TBC1D22A: variants seen among roughly 807,000 people sequenced by gnomAD.
The protein encoded by TBC1D22A is putative GTPase activator.
TBC1D22A carries 38 observed loss-of-function variants against 60.2 expected under a neutral mutation model. That is an observed-to-expected ratio of 0.63 (90% CI 0.49 to 0.83). The LOEUF is 0.83. TBC1D22A is among the 40% of genes least tolerant of loss of function. The pLI is 0.00. For synonymous variants in TBC1D22A, 302 were observed against 281.7 expected (o/e 1.07, Z -0.72); for missense variants, 628 against 701.0 (o/e 0.90, Z 1.18).
intron 1 of TBC1D22A, among the ~76,000 whole-genome samples, chr22:46,791,446 C>T (rs183527956): frequency 3.9e-5 from 6 of 152,248 alleles, no homozygotes; most frequent in South Asian, 2.1e-4. Flanking sequence ...TCTTCACTCA[C>T]GCACGATGGC....
Position 47,105,133 on chromosome 22 carries a change from G to T in TBC1D22A, c.1330-6375G>T, listed in dbSNP as rs1424581997. ...TCTCTTTAAATATTTTACAGAGTTT[G>T]ATTCTTTTCGTCAATAATATCATAA... On this transcript the variant is annotated intron_variant, in intron 11 of 12. Transcript: ENST00000337137. Among the ~76,000 whole-genome samples, 4 of 151,616 alleles carry T rather than the reference G, an allele frequency of 2.6e-5. No individual in the cohort carries two copies. The South Asian group carries it at 8.4e-4, about 32-fold the overall frequency.
chr22:47,019,194 G>C (rs1257240675), intron 10 of TBC1D22A, among the ~76,000 whole-genome samples: 1 of 152,236 alleles, frequency 6.6e-6, no homozygotes, highest in African/African-American at 2.4e-5. Context: ...GCTGGGTGGA[G>C]CGGGCAGCAC....
chr22:46,891,028 T>G (rs57359361), intron 5 of TBC1D22A, among the ~76,000 whole-genome samples: 6,543 of 152,176 alleles, frequency 0.043, 438 homozygotes, highest in African/African-American at 0.15. Flanking sequence ...ACCGGGAGGC[T>G]GCGGACGCAA....
chr22:46,982,308 C>T (rs2074545105), intron 9 of TBC1D22A, among the ~76,000 whole-genome samples: 1 of 151,316 alleles, frequency 6.6e-6, no homozygotes, highest in Admixed American at 6.6e-5. Context: ...ACTGCAACCT[C>T]TGCCTCCCGG....
intron 11 of TBC1D22A, among the ~76,000 whole-genome samples, chr22:47,108,515 C>T: frequency 6.6e-6 from 1 of 152,132 alleles, no homozygotes; most frequent in Admixed American, 6.5e-5. Context: ...TATAGTGACA[C>T]AAGTAAGTCA....
chr22:47,109,850 T>C (rs569117986), intron 11 of TBC1D22A, among the ~76,000 whole-genome samples: 75 of 152,238 alleles, frequency 4.9e-4, no homozygotes, highest in African/African-American at 1.8e-3. Context: ...CTGCTCCGTC[T>C]TGGCCCAAGT....
intron 11 of TBC1D22A, among the ~76,000 whole-genome samples, chr22:47,107,445 C>T (rs1346016804): frequency 6.6e-6 from 1 of 152,134 alleles, no homozygotes; most frequent in Non-Finnish European, 1.5e-5. Context: ...CAACAACTAC[C>T]AACAAGCAGA....
Position 46,871,052 on chromosome 22 carries a change from C to T in TBC1D22A, c.638-7601C>T, listed in dbSNP as rs147608654. 6.3e-4 allele frequency among the ~76,000 whole-genome samples: 96 copies of T among 152,292 alleles called. 1 individual carries two copies. The highest frequency in any genetic ancestry group is 2.2e-3 in the African/African-American group (91 of 41,560). On this transcript the variant is annotated intron_variant, in intron 4 of 12. Transcript: ENST00000337137. Reference sequence around the variant, plus strand: ...AAATATATGTCATGCAAGCTCTAATCACAAGAAAACGAATTTGCTTATAGT... The same window carrying T: ...AAATATATGTCATGCAAGCTCTAATTACAAGAAAACGAATTTGCTTATAGT...
At chr22:47,168,921 C>G (rs2068316063) in intron 12 of TBC1D22A, among the ~76,000 whole-genome samples, 1 of 152,248 alleles carries the variant, frequency 6.6e-6, no homozygotes, top group Non-Finnish European at 1.5e-5. Flanking sequence ...GAAGCCTCAC[C>G]TGGTCTTCGG....
At chr22:47,050,924 G>A (rs952022667) in intron 11 of TBC1D22A, among the ~76,000 whole-genome samples, 8 of 152,142 alleles carry the variant, frequency 5.3e-5, no homozygotes, top group East Asian at 1.9e-4. Flanking sequence ...GAGGAGGGCG[G>A]CCACACCAAT....
At chr22:47,012,961 C>G (rs1417324688) in intron 10 of TBC1D22A, among the ~76,000 whole-genome samples, 1 of 152,216 alleles carries the variant, frequency 6.6e-6, no homozygotes, top group African/African-American at 2.4e-5. Flanking sequence ...CCCACCCAGT[C>G]TGTCGTATGG....
chr22:46,905,034 G>C (rs1234627963), intron 7 of TBC1D22A, among the ~76,000 whole-genome samples: 1 of 149,096 alleles, frequency 6.7e-6, no homozygotes, highest in African/African-American at 2.5e-5. Context: ...TCGGCCTCCC[G>C]AAGTGCTGGG....
At chr22:46,805,151 C>T (rs61245509) in intron 4 of TBC1D22A, among the ~76,000 whole-genome samples, 3,540 of 152,300 alleles carry the variant, frequency 0.023, 149 homozygotes, top group African/African-American at 0.081. Context: ...TGGGCCGTGG[C>T]TGGAGTCACT....
chr22:47,091,656 A>G (rs2064983147), intron 11 of TBC1D22A, among the ~76,000 whole-genome samples: 2 of 152,160 alleles, frequency 1.3e-5, no homozygotes, highest in African/African-American at 2.4e-5. Flanking sequence ...TGCACCTGGC[A>G]GGCTGCTTCA....
At chr22:47,160,736 C>G (rs76749824) in intron 12 of TBC1D22A, among the ~76,000 whole-genome samples, 1,542 of 152,320 alleles carry the variant, frequency 0.01, 20 homozygotes, top group African/African-American at 0.035. Context: ...ACACCTGACA[C>G]GACCAAGCCA....
At chr22:46,794,642 C>T (rs549400569) in intron 3 of TBC1D22A, among the ~76,000 whole-genome samples, 2 of 152,344 alleles carry the variant, frequency 1.3e-5, no homozygotes, top group East Asian at 1.9e-4. Flanking sequence ...AGATGCAGCA[C>T]TGCCCACAGT....
chr22:46,956,312 A>G (rs865943564), intron 8 of TBC1D22A, among the ~76,000 whole-genome samples: 4 of 152,312 alleles, frequency 2.6e-5, no homozygotes, highest in Admixed American at 6.5e-5. Flanking sequence ...GGGGCCAGGC[A>G]CAGTGGCTCA....
intron 11 of TBC1D22A, among the ~76,000 whole-genome samples, chr22:47,105,150 A>G (rs2065586569): frequency 1.3e-5 from 2 of 152,070 alleles, no homozygotes; most frequent in Admixed American, 1.3e-4. Context: ...TTCGTCAATA[A>G]TATCATAAAA....
chr22:47,089,685 T>C lies in TBC1D22A; in HGVS notation c.1330-21823T>C, dbSNP rs527844304. ...CTTAAAGATCCTGTCTTGTTTCTTATTGTTGTGCAGAACCTGTATAATTTT... is the reference window on the plus strand; with the variant it reads ...CTTAAAGATCCTGTCTTGTTTCTTACTGTTGTGCAGAACCTGTATAATTTT... On this transcript the variant is annotated intron_variant, in intron 11 of 12. Transcript: ENST00000337137. Among the ~76,000 whole-genome samples the C allele has an allele frequency of 4.0e-3, 615 of 152,328 alleles. 4 individuals are homozygous for C. Among genetic ancestry groups the C allele is most frequent in the Middle Eastern group, 0.017 (5 of 294 alleles).
Sources: allele counts gnomAD v4.1 joint callset (sites outside exome capture counted in the v4.1 genomes callset), GRCh38; gene constraint gnomAD v4.1.1; transcripts MANE v1.5; gene names NCBI Gene and HGNC (gene_info 2026-07-23, HGNC 2026-07-21).